The following RAD17 variants were observed in gnomAD, a reference collection of about 807,000 sequenced individuals.
RAD17 encodes cell cycle checkpoint protein RAD17.
A neutral mutation model predicts 81.5 loss-of-function variants in RAD17; 31 were observed. The ratio of observed to expected loss-of-function variants is 0.38; its 90% CI spans 0.29 to 0.51. RAD17 has a LOEUF of 0.51. Among genes scored for constraint, RAD17 ranks in the 20% least tolerant of loss-of-function variants. The pLI is 0.88. For missense variants in RAD17, 681 were observed against 781.2 expected, an observed-to-expected ratio of 0.87 and a Z score of 1.53; for synonymous variants, 261 against 266.2, an observed-to-expected ratio of 0.98 and a Z score of 0.19.
At chr5:69,385,677 A>G (rs1278227726) in intron 8 of RAD17, among the ~76,000 whole-genome samples, 2 of 152,248 alleles carry the variant, frequency 1.3e-5, no homozygotes, top group African/African-American at 4.8e-5. Context: ...AATACAACAC[A>G]AAGGCTTTGT....
intron 16 of RAD17, among the ~76,000 whole-genome samples, chr5:69,399,366 C>G (rs1310504236): frequency 6.6e-6 from 1 of 152,138 alleles, no homozygotes; most frequent in African/African-American, 2.4e-5. Flanking sequence ...CACCACTGTC[C>G]CCAGCTGGTT....
Position 69,400,036 on chromosome 5 carries a change from C to A in RAD17, c.1573-13C>A. Reference sequence around the variant, plus strand: ...ATTTTTCCTTTCATCTTTTTTTTTTCTTTTCTATACAGTATCGGGAAAATT... The same window carrying A: ...ATTTTTCCTTTCATCTTTTTTTTTTATTTTCTATACAGTATCGGGAAAATT... On this transcript the variant is annotated splice_polypyrimidine_tract_variant and intron_variant, in intron 16 of 18. Transcript: ENST00000354868. The A allele has an allele frequency of 6.9e-7, 1 of 1,457,124 alleles. No homozygotes were observed. The highest frequency in any genetic ancestry group is 9.1e-7 in the Non-Finnish European group (1 of 1,097,062). The allele number at this position is 1,457,124 out of a possible 1,614,324, so 90.3% of individuals were successfully genotyped here. A position where few individuals can be genotyped will look rare whatever the true frequency, so the allele number is the denominator to read the frequency against.
intron 7 of RAD17, among the ~76,000 whole-genome samples, chr5:69,383,621 C>G (rs1278229910): frequency 6.6e-6 from 1 of 151,886 alleles, no homozygotes; most frequent in Admixed American, 6.6e-5. Context: ...CTCAGGTGAT[C>G]CAACCACCTC....
At chr5:69,377,463 A>ATATATATATATATG (rs1763440325) in intron 6 of RAD17, among the ~76,000 whole-genome samples, 1 of 5,936 alleles carries the variant, frequency 1.7e-4, no homozygotes, top group East Asian at 0.015. Flanking sequence ...ATATATATAT[A>ATATATATATATATG]TATATATATA....
At chr5:69,393,274 A>G in intron 14 of RAD17, 34 bp downstream of exon 14, 1 of 1,571,000 alleles carries the variant, frequency 6.4e-7, no homozygotes, top group East Asian at 2.2e-5. Context: ...TATAGGTTAC[A>G]AAGGATATAT....
At chr5:69,392,783 G>A (rs1050119684) in intron 13 of RAD17, 7 of 449,446 alleles carry the variant, frequency 1.6e-5, no homozygotes, top group Admixed American at 4.8e-5. Flanking sequence ...AATGGAATTC[G>A]TATTCTTTCA....
intron 17 of RAD17, among the ~76,000 whole-genome samples, chr5:69,405,901 A>T (rs1310820587): frequency 6.6e-6 from 1 of 151,502 alleles, no homozygotes; most frequent in Non-Finnish European, 1.5e-5. Context: ...AATTAGCCAG[A>T]TGTGGTGGTG....
At chr5:69,369,770 C>T (rs1483966369), upstream of RAD17, 2 of 1,459,498 alleles carry the variant, frequency 1.4e-6, no homozygotes, top group African/African-American at 1.4e-5. Context: ...CTTCGGTGGT[C>T]CCCGCCCTTC....
chr5:69,404,257 C>T (rs1474261316), intron 17 of RAD17, among the ~76,000 whole-genome samples: 1 of 152,100 alleles, frequency 6.6e-6, no homozygotes, highest in African/African-American at 2.4e-5. Flanking sequence ...AATAGGATTA[C>T]ATCAAAACTG....
chr5:69,391,756 CTA>C, intron 12 of RAD17, 73 bp from the exon 13 acceptor site: 5 of 1,103,214 alleles, frequency 4.5e-6, no homozygotes, highest in Non-Finnish European at 6.1e-6. Context: ...TTTAGTGTAA[CTA>C]TATCTGAAGT....
chr5:69,401,997 CTG>C (rs1279697135), intron 17 of RAD17, among the ~76,000 whole-genome samples: 2 of 80,120 alleles, frequency 2.5e-5, no homozygotes, highest in Non-Finnish European at 4.4e-5. Flanking sequence ...GAGCAAGACT[CTG>C]TCTCAAAAAA....
intron 17 of RAD17, among the ~76,000 whole-genome samples, chr5:69,402,139 C>T (rs1174247440): frequency 2.7e-5 from 4 of 150,784 alleles, no homozygotes; most frequent in Non-Finnish European, 5.9e-5. Context: ...CCTCTGCCTC[C>T]CAGGTTCAAG....
intron 17 of RAD17, among the ~76,000 whole-genome samples, chr5:69,402,273 A>G (rs546112339): frequency 7.1e-4 from 108 of 151,386 alleles, no homozygotes; most frequent in African/African-American, 2.2e-3. Flanking sequence ...CTGATCTCGA[A>G]CTCCTGGCCT....
At chr5:69,377,190 C>T (rs1001790446) in intron 6 of RAD17, among the ~76,000 whole-genome samples, 1 of 151,898 alleles carries the variant, frequency 6.6e-6, no homozygotes, top group African/African-American at 2.4e-5. Context: ...ATAGAAATCT[C>T]GTCTCTTGTC....
intron 13 of RAD17, chr5:69,392,694 T>G (rs1304579518): frequency 5.5e-6 from 2 of 364,768 alleles, no homozygotes; most frequent in African/African-American, 2.1e-5. Flanking sequence ...TGAACCTGAG[T>G]GACTATTCCC....
intron 17 of RAD17, among the ~76,000 whole-genome samples, chr5:69,404,266 T>C (rs1765448618): frequency 6.6e-6 from 1 of 152,060 alleles, no homozygotes; most frequent in African/African-American, 2.4e-5. Flanking sequence ...ACATCAAAAC[T>C]GAAAAGCCTC....
chr5:69,396,070 G>A (rs1764866945), intron 15 of RAD17, among the ~76,000 whole-genome samples: 1 of 152,088 alleles, frequency 6.6e-6, no homozygotes, highest in African/African-American at 2.4e-5. Context: ...ATATAATTAA[G>A]TTAACTTTCC....
chr5:69,390,928 G>C (rs1365840342), intron 12 of RAD17, among the ~76,000 whole-genome samples: 1 of 147,416 alleles, frequency 6.8e-6, no homozygotes, highest in East Asian at 2.0e-4. Context: ...ACTCCAGCCT[G>C]GGTGATAGAG....
chr5:69,399,589 C>T (rs1435391285), intron 16 of RAD17, among the ~76,000 whole-genome samples: 1 of 152,040 alleles, frequency 6.6e-6, no homozygotes, highest in African/African-American at 2.4e-5. Context: ...TCTTTTATAG[C>T]ATATATATTA....
Sources: allele counts gnomAD v4.1 joint callset (sites outside exome capture counted in the v4.1 genomes callset), GRCh38; gene constraint gnomAD v4.1.1; transcripts MANE v1.5; gene names NCBI Gene and HGNC (gene_info 2026-07-23, HGNC 2026-07-21).